CSMD2: variants seen among roughly 807,000 people sequenced by gnomAD.
CSMD2 encodes CUB and sushi domain-containing protein 2.
In CSMD2, 130 loss-of-function variants were observed where a neutral mutation model predicts 398.5. The observed-to-expected ratio is 0.33, with a 90% CI of 0.28 to 0.38. The LOEUF (loss-of-function observed/expected upper bound fraction) is 0.38. Among genes scored for constraint, CSMD2 ranks in the 10% least tolerant of loss-of-function variants. CSMD2 has a pLI of 1.00. For synonymous variants in CSMD2, 1,828 were observed against 1,908.5 expected, an observed-to-expected ratio of 0.96 and a Z score of 1.10; for missense variants, 3,829 against 4,764.9, an observed-to-expected ratio of 0.80 and a Z score of 5.78.
At chr1:33,776,111 T>G (rs938960495) in intron 12 of CSMD2, among the ~76,000 whole-genome samples, 26 of 151,940 alleles carry the variant, frequency 1.7e-4, no homozygotes, top group African/African-American at 5.8e-4. Context: ...ATGGCCTGGG[T>G]GGGAGTGGTT....
In CSMD2 at chr1:33,537,640, A is replaced by G; in HGVS notation, c.9632-31T>C. The G allele has an allele frequency of 1.9e-6, 3 of 1,585,824 alleles. No individual in the cohort carries two copies. The highest frequency in any genetic ancestry group is 2.6e-6 in the Non-Finnish European group (3 of 1,164,310). On this transcript the variant is annotated intron_variant, in intron 60 of 70. Transcript: ENST00000373381. The surrounding 1 kb of genome is among the most constrained non-coding windows in gnomAD (Gnocchi z 4.6). ...AAGACGAAGGGAGAAAGGCAGGTCT[A>G]AGTTGCTTTCCAGAACCCAATCTTC...
intron 17 of CSMD2, 124 bp from the exon 18 acceptor site, chr1:33,724,828 T>C: frequency 3.5e-6 from 3 of 865,204 alleles, no homozygotes; most frequent in Non-Finnish European, 5.3e-6. Context: ...AATTACTGAC[T>C]CATGAAATGT....
intron 17 of CSMD2, among the ~76,000 whole-genome samples, chr1:33,724,945 C>T (rs1191550485): frequency 6.6e-6 from 1 of 152,168 alleles, no homozygotes; most frequent in Non-Finnish European, 1.5e-5. Flanking sequence ...CTATGTTGGT[C>T]TACAGAGAAC....
chr1:33,558,638 A>C (rs1469615331), intron 54 of CSMD2, among the ~76,000 whole-genome samples: 1 of 152,136 alleles, frequency 6.6e-6, no homozygotes, highest in Non-Finnish European at 1.5e-5. Context: ...ACTTTTGATG[A>C]GGCTCTCTGA....
chr1:33,519,699 C>G lies in CSMD2; in HGVS notation c.10737-22G>C. The G allele has an allele frequency of 1.2e-6, 2 of 1,613,868 alleles. No homozygotes were observed. The highest frequency in any genetic ancestry group is 1.7e-6 in the Non-Finnish European group (2 of 1,179,918). On this transcript the variant is annotated intron_variant, in intron 69 of 70. Transcript: ENST00000373381. This position sits in a 1 kb window ranked among gnomAD's most constrained non-coding sequence, Gnocchi z 5.6. ...TCTCCTGGCGATAAAAGAGGAAGTG[C>G]CCACGGCATGAAAAGAGCGACACAG...
At chr1:33,936,092 A>C in intron 3 of CSMD2, 138 bp from the exon 4 acceptor site, 1 of 646,262 alleles carries the variant, frequency 1.5e-6, no homozygotes, top group African/African-American at 1.8e-5. Flanking sequence ...AGCATTGCCC[A>C]CTGCTGATCT....
chr1:33,740,080 GAAAT>G, intron 14 of CSMD2, among the ~76,000 whole-genome samples: 1 of 152,266 alleles, frequency 6.6e-6, no homozygotes, highest in East Asian at 1.9e-4. Flanking sequence ...TTCTGAGATA[GAAAT>G]AAAATGAAAG....
At chr1:34,033,104 C>T (rs1216353805) in intron 2 of CSMD2, among the ~76,000 whole-genome samples, 1 of 152,200 alleles carries the variant, frequency 6.6e-6, no homozygotes, top group Non-Finnish European at 1.5e-5. Context: ...ATAGAGCCAA[C>T]TCTAAGTAGA....
intron 44 of CSMD2, chr1:33,599,907 G>T (rs550691128): frequency 1.4e-5 from 7 of 514,092 alleles, no homozygotes; most frequent in Non-Finnish European, 1.7e-5. Flanking sequence ...TAATAACACT[G>T]TATAGTCACA....
At chr1:33,726,785 T>A (rs1297285482) in intron 15 of CSMD2, 100 bp from the exon 16 acceptor site, 1 of 1,312,938 alleles carries the variant, frequency 7.6e-7, no homozygotes, top group East Asian at 2.5e-5. Context: ...AAGTATAGTT[T>A]TTGTTTTTAT....
chr1:34,009,153 C>G (rs1218044959), intron 3 of CSMD2, among the ~76,000 whole-genome samples: 1 of 152,094 alleles, frequency 6.6e-6, no homozygotes, highest in African/African-American at 2.4e-5. Context: ...ATCCTTTTCT[C>G]TTTTTTCCAG....
chr1:33,997,179 C>G (rs994870007), intron 3 of CSMD2, among the ~76,000 whole-genome samples: 7 of 152,138 alleles, frequency 4.6e-5, no homozygotes, highest in African/African-American at 1.7e-4. Flanking sequence ...CTCATCGATG[C>G]CTTGGAAGCT....
At chr1:33,540,972 C>A (rs551541034) in intron 59 of CSMD2, among the ~76,000 whole-genome samples, 158 bp downstream of exon 59, 32 of 152,304 alleles carry the variant, frequency 2.1e-4, no homozygotes, top group Admixed American at 2.0e-3. Context: ...TCACTCCTGG[C>A]AGATGTTCAG....
intron 55 of CSMD2, among the ~76,000 whole-genome samples, chr1:33,553,832 C>T (rs1193656889): frequency 1.3e-5 from 2 of 152,022 alleles, no homozygotes; most frequent in African/African-American, 4.8e-5. Context: ...CATTGTAGGA[C>T]GTTTAGCATC....
At chr1:34,151,900 T>A (rs1216066621) in intron 1 of CSMD2, among the ~76,000 whole-genome samples, 5 of 147,502 alleles carry the variant, frequency 3.4e-5, no homozygotes. Context: ...TGGAGTGTAG[T>A]GGCACAATCA....
intron 6 of CSMD2, chr1:33,838,442 T>G (rs1448308059): frequency 6.6e-6 from 1 of 152,188 alleles, no homozygotes; most frequent in Non-Finnish European, 1.5e-5. Context: ...CTTGAAAAAT[T>G]GTTGGGTATA....
chr1:33,967,683 T>C (rs1433473853), intron 3 of CSMD2, among the ~76,000 whole-genome samples: 2 of 152,196 alleles, frequency 1.3e-5, no homozygotes, highest in Non-Finnish European at 2.9e-5. Flanking sequence ...TCACGGGGCC[T>C]TCCCGATGAG....
chr1:34,025,364 A>G (rs1018660324), intron 3 of CSMD2, among the ~76,000 whole-genome samples: 2 of 152,194 alleles, frequency 1.3e-5, no homozygotes, highest in Non-Finnish European at 2.9e-5. Context: ...AATCGTGACA[A>G]TGAAAATGAA....
intron 13 of CSMD2, among the ~76,000 whole-genome samples, chr1:33,755,619 A>T (rs910173556): frequency 6.6e-6 from 1 of 152,146 alleles, no homozygotes; most frequent in Non-Finnish European, 1.5e-5. Flanking sequence ...CCAGTCCAAA[A>T]ACCATAAATT....
Sources: gnomAD v4.1 joint callset for allele counts (sites outside exome capture counted in the v4.1 genomes callset) on GRCh38, gnomAD v4.1.1 for gene constraint, Gnocchi (gnomAD v3.1) non-coding constraint, MANE v1.5 for transcripts, NCBI Gene and HGNC (gene_info 2026-07-23, HGNC 2026-07-21) for gene names.